Variants in CSMD1 observed in about 807,000 individuals in gnomAD.
The protein encoded by CSMD1 is CUB and Sushi multiple domains 1.
A neutral mutation model predicts 417.5 loss-of-function variants in CSMD1; 213 were observed. The ratio of observed to expected loss-of-function variants is 0.51; its 90% CI spans 0.46 to 0.57. The LOEUF is 0.57. Ranked by LOEUF, CSMD1 falls within the 20% of genes least tolerant of loss-of-function variation. The pLI is 0.00. For missense variants in CSMD1, 6,923 were observed against 4,529.7 expected, an observed-to-expected ratio of 1.53 and a Z score of -15.17; for synonymous variants, 2,862 against 1,736.8, an observed-to-expected ratio of 1.65 and a Z score of -16.11.
intron 10 of CSMD1, among the ~76,000 whole-genome samples, chr8:3,524,443 G>A (rs954785962): frequency 4.3e-5 from 6 of 138,652 alleles, no homozygotes; most frequent in Admixed American, 7.2e-5. Flanking sequence ...GCATCTGCAC[G>A]CACACATGCA....
intron 1 of CSMD1, among the ~76,000 whole-genome samples, chr8:4,652,514 G>T (rs1458537598): frequency 1.3e-5 from 2 of 152,004 alleles, no homozygotes; most frequent in African/African-American, 4.8e-5. Flanking sequence ...TTCGCCCCAT[G>T]TGGTGGCTGC....
intron 5 of CSMD1, among the ~76,000 whole-genome samples, chr8:3,817,292 T>TTTTTTTA (rs1563109891): frequency 1.1e-5 from 1 of 93,548 alleles, no homozygotes; most frequent in African/African-American, 5.4e-5. Context: ...TTTTTTTTTT[T>TTTTTTTA]TTTTTTGAGA....
intron 10 of CSMD1, among the ~76,000 whole-genome samples, chr8:3,539,952 T>C (rs1208573105): frequency 1.3e-5 from 2 of 152,158 alleles, no homozygotes; most frequent in South Asian, 2.1e-4. Context: ...TTCCCATAAA[T>C]TGTAGCTAGT....
chr8:3,699,562 T>C (rs1227845652), intron 7 of CSMD1, among the ~76,000 whole-genome samples: 1 of 152,196 alleles, frequency 6.6e-6, no homozygotes, highest in Non-Finnish European at 1.5e-5. Context: ...CTATATTTTA[T>C]GGGTTGATCT....
chr8:4,954,816 C>G (rs11136810), intron 1 of CSMD1, among the ~76,000 whole-genome samples: 59,091 of 151,992 alleles, frequency 0.39, 11,759 homozygotes, highest in African/African-American at 0.45. Context: ...AAAAAATTCT[C>G]ATTTTCTCTT....
chr8:3,232,080 GTATT>G (rs1798874267), intron 26 of CSMD1, among the ~76,000 whole-genome samples: 2 of 152,168 alleles, frequency 1.3e-5, no homozygotes, highest in African/African-American at 2.4e-5. Flanking sequence ...AAGCAATAGA[GTATT>G]TACCAATACA....
intron 1 of CSMD1, among the ~76,000 whole-genome samples, chr8:4,747,698 A>T (rs1466521615): frequency 1.3e-5 from 2 of 152,098 alleles, no homozygotes; most frequent in African/African-American, 4.8e-5. Flanking sequence ...TTTTCCACCT[A>T]CCATCATCCT....
chr8:4,525,790 G>T (rs1005014979), intron 2 of CSMD1, among the ~76,000 whole-genome samples: 1 of 152,142 alleles, frequency 6.6e-6, no homozygotes, highest in Admixed American at 6.6e-5. Flanking sequence ...TCCACACAGG[G>T]ACATGTCAAT....
At chr8:4,401,726 T>C (rs1392449264) in intron 3 of CSMD1, among the ~76,000 whole-genome samples, 1 of 152,068 alleles carries the variant, frequency 6.6e-6, no homozygotes, top group Non-Finnish European at 1.5e-5. Context: ...AGAATTCCCT[T>C]AACATTCCAC....
intron 5 of CSMD1, among the ~76,000 whole-genome samples, chr8:3,797,734 C>G (rs529971033): frequency 6.6e-6 from 1 of 151,982 alleles, no homozygotes; most frequent in African/African-American, 2.4e-5. Flanking sequence ...TATTCTTATA[C>G]AAAATATTTT....
intron 3 of CSMD1, among the ~76,000 whole-genome samples, chr8:4,384,480 C>G (rs929174213): frequency 6.6e-6 from 1 of 152,200 alleles, no homozygotes; most frequent in African/African-American, 2.4e-5. Flanking sequence ...TATCTACTAT[C>G]TATGAATTTG....
Position 4,228,502 on chromosome 8 carries a change from G to A in CSMD1, c.415+191451C>T, listed in dbSNP as rs150593252. 6.2e-3 allele frequency among the ~76,000 whole-genome samples: 938 copies of A among 151,238 alleles called. 40 individuals carry two copies. Among genetic ancestry groups the A allele is most frequent in the Admixed American group, 0.055 (839 of 15,180 alleles). The stretch of plus-strand genomic sequence containing the variant: ...CTGTATCCTCCCCCAACTGTCTCTG[G>A]TCTTCCAGTCAACCCTGTATCTTGG... On this transcript the variant is annotated intron_variant, in intron 3 of 69. Transcript: ENST00000635120.
chr8:4,292,699 T>G (rs1357466273), intron 3 of CSMD1, among the ~76,000 whole-genome samples: 1 of 152,218 alleles, frequency 6.6e-6, no homozygotes, highest in East Asian at 1.9e-4. Context: ...TGATTCAGTT[T>G]ATTTTTTCTA....
intron 15 of CSMD1, among the ~76,000 whole-genome samples, chr8:3,400,836 T>A (rs1044083547): frequency 4.0e-5 from 6 of 151,276 alleles, no homozygotes; most frequent in Non-Finnish European, 7.4e-5. Context: ...CCAAATAAGT[T>A]GCAATTGTTA....
intron 7 of CSMD1, among the ~76,000 whole-genome samples, chr8:3,704,286 G>A (rs1370975381): frequency 1.3e-5 from 2 of 152,090 alleles, no homozygotes; most frequent in South Asian, 2.1e-4. Context: ...ATTCAGCACA[G>A]AAGCCTTCTG....
intron 10 of CSMD1, among the ~76,000 whole-genome samples, chr8:3,571,220 G>C (rs1015728419): frequency 9.9e-5 from 15 of 152,160 alleles, no homozygotes; most frequent in Admixed American, 5.2e-4. Context: ...TCTGCATGCT[G>C]TCATCCTAAT....
At chr8:3,888,917 CTTTATACCA>C (rs1285002442) in intron 5 of CSMD1, among the ~76,000 whole-genome samples, 2 of 152,046 alleles carry the variant, frequency 1.3e-5, no homozygotes, top group African/African-American at 4.8e-5. Flanking sequence ...AAAAGCATAT[CTTTATACCA>C]TTTAGGTTTA....
intron 10 of CSMD1, among the ~76,000 whole-genome samples, chr8:3,568,386 G>T (rs948372066): frequency 3.9e-5 from 6 of 151,986 alleles, no homozygotes; most frequent in Non-Finnish European, 4.4e-5. Context: ...TACAGTTTTT[G>T]TCAATTATAC....
chr8:4,352,902 C>G (rs957026306), intron 3 of CSMD1, among the ~76,000 whole-genome samples: 5 of 152,106 alleles, frequency 3.3e-5, no homozygotes, highest in African/African-American at 1.2e-4. Context: ...GAAAATGACA[C>G]TAGAAAGATT....
Sources: gnomAD v4.1 joint callset for allele counts (sites outside exome capture counted in the v4.1 genomes callset) on GRCh38, gnomAD v4.1.1 for gene constraint, MANE v1.5 for transcripts, NCBI Gene and HGNC (gene_info 2026-07-23, HGNC 2026-07-21) for gene names.